Variants in TMUB2 observed in about 807,000 individuals in gnomAD.
TMUB2 encodes transmembrane and ubiquitin like domain containing 2.
Under a neutral mutation model 20.2 loss-of-function variants are expected in TMUB2, and 19 were observed. That is an observed-to-expected ratio of 0.94 (90% CI 0.66 to 1.38). The LOEUF is 1.38. TMUB2 is among the 40% of genes most tolerant of loss of function. The pLI is 0.00. For synonymous variants in TMUB2, 186 were observed against 166.0 expected, an observed-to-expected ratio of 1.12 and a Z score of -0.92; for missense variants, 426 against 402.5, an observed-to-expected ratio of 1.06 and a Z score of -0.50.
chr17:44,190,331 CAG>C (rs1318424998), intron 3 of TMUB2, 168 bp from the exon 4 acceptor site: 2 of 692,564 alleles, frequency 2.9e-6, no homozygotes, highest in African/African-American at 4.7e-5. Context: ...AGCCTGGCAA[CAG>C]AGTGAGACTC....
intron 2 of TMUB2, 96 bp downstream of exon 2, chr17:44,187,839 G>T: frequency 1.4e-6 from 1 of 703,626 alleles, no homozygotes; most frequent in Non-Finnish European, 2.7e-6. Context: ...CAAGACTGGG[G>T]TTATAATTAG....
intron 3 of TMUB2, chr17:44,190,138 A>G (rs1200402092): frequency 2.6e-5 from 5 of 188,744 alleles, no homozygotes; most frequent in Non-Finnish European, 5.5e-5. Context: ...CAAGGTCAAG[A>G]TATCAAGACC....
At chr17:44,187,776 G>T in intron 2 of TMUB2, 33 bp downstream of exon 2, 1 of 718,370 alleles carries the variant, frequency 1.4e-6, no homozygotes, top group South Asian at 1.5e-5. Flanking sequence ...TTTTACTGAT[G>T]AGAAAGCTGA....
In TMUB2 at chr17:44,190,748, G is replaced by A. The variant is rs759338813; in HGVS notation, c.850G>A (p.Val284Met). ...GCCTGTCTTTGTGGTGCTGTTGGGT[G>A]TGGTCTGGTACTTCCGAATCAATTA... ...MVPVFVVLLG[V>M]VWYFRINYRQ... Residue 284 changes from valine to methionine, a missense_variant, in exon 4 of 4, where the codon GTG becomes ATG. Physicochemically the swap from Val to Met is conservative, Grantham distance 21. Transcript: ENST00000538716. The A allele has an allele frequency of 2.5e-6, 4 of 1,614,228 alleles. No individual in the cohort carries two copies. In the South Asian group the frequency reaches 4.4e-5, roughly 18 times the overall value.
intron 1 of TMUB2, 47 bp from the exon 2 acceptor site, chr17:44,187,629 G>A (rs538609321): frequency 1.4e-6 from 1 of 714,526 alleles, no homozygotes; most frequent in African/African-American, 1.7e-5. Context: ...GTTAGTTGTG[G>A]TTGTGATAAA....
intron 2 of TMUB2, 77 bp downstream of exon 2, chr17:44,187,820 A>G: frequency 1.4e-6 from 1 of 713,926 alleles, no homozygotes; most frequent in Admixed American, 2.0e-5. Flanking sequence ...TGTTATAGCT[A>G]GTAAGACGCA....
chr17:44,187,421 G>T, intron 1 of TMUB2: 1 of 457,560 alleles, frequency 2.2e-6, no homozygotes, highest in Non-Finnish European at 3.9e-6. Context: ...CCTCCTCACC[G>T]TGCGGTCACG....
At chr17:44,190,182 TA>T (rs35026282) in intron 3 of TMUB2, 4,428 of 186,438 alleles carry the variant, frequency 0.024, 2 homozygotes, top group South Asian at 0.05. Flanking sequence ...CTGTCTCTAC[TA>T]AAAAAAAAAA....
At chr17:44,190,367 AAAAAG>A in intron 3 of TMUB2, 129 bp from the exon 4 acceptor site, 28 of 909,794 alleles carry the variant, frequency 3.1e-5, no homozygotes, top group Non-Finnish European at 4.0e-5. Context: ...AAAAAAAAAA[AAAAAG>A]GATAAAGATG....
intron 3 of TMUB2, 164 bp downstream of exon 3, chr17:44,189,752 C>A (rs2055094725): frequency 3.2e-6 from 2 of 632,320 alleles, no homozygotes; most frequent in Non-Finnish European, 2.5e-6. Context: ...AGGCCGGGTG[C>A]AGTGGCTCCC....
In TMUB2 at chr17:44,187,708, G is replaced by T. The variant is rs376916038; in HGVS notation, c.-1G>T. On this transcript the variant is annotated 5_prime_UTR_variant, in exon 2 of 4. Coordinates refer to ENST00000538716, the MANE Select transcript of TMUB2 (RefSeq NM_001076674.3). The stretch of plus-strand genomic sequence containing the variant: ...GGCACTGTGCCAAGTATTTTGCTTC[G>T]ATGATTTCACGTCATCTTCAAAACA... The T allele has an allele frequency of 1.4e-6, 1 of 718,464 alleles. No individual in the cohort carries two copies. The highest frequency in any genetic ancestry group is 2.6e-6 in the Non-Finnish European group (1 of 385,088). The allele number at this position is 718,464 out of a possible 1,614,324, so 44.5% of individuals were successfully genotyped here. A position where few individuals can be genotyped will look rare whatever the true frequency, so the allele number is the denominator to read the frequency against.
At position 44,190,470 on chromosome 17, in the gene TMUB2, A is replaced by C. The variant is rs1023934169; in HGVS notation, c.603-31A>C. ...TTTGCCTTCTCATTCCTCACCCTCT[A>C]TCTTTTCTTCCATGTCTTTCATCCT... On this transcript the variant is annotated intron_variant, in intron 3 of 3. Coordinates refer to ENST00000538716, the MANE Select transcript of TMUB2 (RefSeq NM_001076674.3). The C allele has an allele frequency of 6.4e-6, 10 of 1,559,182 alleles. No individual in the cohort carries two copies. The African/African-American group carries it at 1.4e-4, about 21-fold the overall frequency.
chr17:44,189,967 C>T (rs892796849), intron 3 of TMUB2: 10 of 174,726 alleles, frequency 5.7e-5, no homozygotes, highest in Non-Finnish European at 1.1e-4. Context: ...GCCGAGATTG[C>T]GCCACTGCAC....
intron 1 of TMUB2, chr17:44,187,360 A>C: frequency 4.9e-5 from 15 of 308,324 alleles, no homozygotes; most frequent in East Asian, 1.5e-4. Context: ...CGCCGAGGGA[A>C]TAGGACCATC....
intron 3 of TMUB2, 185 bp from the exon 4 acceptor site, chr17:44,190,306 GCGCCACTGCA>G (rs923651393): frequency 3.8e-6 from 2 of 528,524 alleles, no homozygotes; most frequent in African/African-American, 4.3e-5. Flanking sequence ...AGCCGAGATC[GCGCCACTGCA>G]CTCCAGCCTG....
At chr17:44,188,935 G>A in intron 2 of TMUB2, 87 bp from the exon 3 acceptor site, 1 of 1,452,308 alleles carries the variant, frequency 6.9e-7, no homozygotes. Context: ...TTTTTTTCAG[G>A]GCTGGGTCAG....
intron 2 of TMUB2, among the ~76,000 whole-genome samples, chr17:44,188,199 G>A (rs1229316290): frequency 6.6e-6 from 1 of 152,184 alleles, no homozygotes; most frequent in Non-Finnish European, 1.5e-5. Flanking sequence ...CCTTCACAGT[G>A]AAAGAAGAGA....
In TMUB2 at chr17:44,190,780, A is replaced by G. The variant is rs373097050; in HGVS notation, c.882A>G (p.Gln294=). Residue 294 remains glutamine, a synonymous_variant, in exon 4 of 4, where the codon CAA becomes CAG. Coordinates refer to ENST00000538716, the MANE Select transcript of TMUB2 (RefSeq NM_001076674.3). The stretch of plus-strand genomic sequence containing the variant: ...GGTACTTCCGAATCAATTACCGCCA[A>G]TTCTTCACAGCACCTGCCACTGTCT... The part of the protein sequence containing the change: ...VVWYFRINYR[Q]FFTAPATVSL... 6 of 1,613,998 alleles carry G rather than the reference A, an allele frequency of 3.7e-6. No homozygotes were observed. Among genetic ancestry groups the G allele is most frequent in the East Asian group, 2.2e-5 (1 of 44,870 alleles).
Position 44,191,392 on chromosome 17 carries a change from C to G in TMUB2, c.*528C>G, listed in dbSNP as rs2055554815. The G allele has an allele frequency of 9.1e-6, 9 of 986,884 alleles. No homozygotes were observed. In the South Asian group the frequency reaches 2.3e-4, roughly 26 times the overall value. The allele number at this position is 986,884 out of a possible 1,614,324, so 61.1% of individuals were successfully genotyped here. ...CTTATGGGCACCTAGCCGCCTTCAC[C>G]TTCTTCCTCTACCCCTTAGCAGGAA... On this transcript the variant is annotated 3_prime_UTR_variant, in exon 4 of 4. Transcript: ENST00000538716.
Sources: gnomAD v4.1 joint callset for allele counts (sites outside exome capture counted in the v4.1 genomes callset) on GRCh38, gnomAD v4.1.1 for gene constraint, MANE v1.5 for transcripts, NCBI Gene and HGNC (gene_info 2026-07-23, HGNC 2026-07-21) for gene names.